The following RABGAP1L variants were observed in gnomAD, a reference collection of about 807,000 sequenced individuals.
The protein encoded by RABGAP1L is rab GTPase-activating protein 1-like.
A neutral mutation model predicts 137.7 loss-of-function variants in RABGAP1L; 63 were observed. The observed-to-expected ratio is 0.46, with a 90% confidence interval of 0.37 to 0.56. The LOEUF (loss-of-function observed/expected upper bound fraction) is 0.56. Ranked by LOEUF, RABGAP1L falls within the 20% of genes least tolerant of loss-of-function variation. The probability of loss-of-function intolerance (pLI) is 0.00; values close to 1 mark genes in which losing one functional copy is unlikely to be tolerated. For synonymous variants in RABGAP1L, 431 were observed against 433.7 expected (o/e 0.99, Z 0.08); for missense variants, 1,095 against 1,244.0 (o/e 0.88, Z 1.80).
chr1:174,176,052 C>T (rs1373043735), intron 1 of RABGAP1L, among the ~76,000 whole-genome samples: 1 of 152,170 alleles, frequency 6.6e-6, no homozygotes, highest in Non-Finnish European at 1.5e-5. Flanking sequence ...TCATATTTGT[C>T]ACTGCATTCA....
intron 13 of RABGAP1L, among the ~76,000 whole-genome samples, chr1:174,609,874 A>G (rs1436885897): frequency 1.3e-5 from 2 of 152,020 alleles, no homozygotes; most frequent in South Asian, 2.1e-4. Context: ...GCAAACCCCA[A>G]ACAGTTTTTT....
At chr1:174,981,778 AT>A (rs1385218222) in intron 23 of RABGAP1L, among the ~76,000 whole-genome samples, 1 of 151,922 alleles carries the variant, frequency 6.6e-6, no homozygotes, top group Non-Finnish European at 1.5e-5. Flanking sequence ...GAAAGCACCT[AT>A]TTCTACCATT....
chr1:174,553,712 G>C (rs2147994491), intron 13 of RABGAP1L, among the ~76,000 whole-genome samples: 1 of 152,252 alleles, frequency 6.6e-6, no homozygotes, highest in African/African-American at 2.4e-5. Context: ...AAGAATCATA[G>C]AATTAGGGTC....
At position 174,278,691 on chromosome 1, in the gene RABGAP1L, C is replaced by T. The variant is rs772990648; in HGVS notation, c.1235C>T (p.Thr412Ile). 8 of 1,611,644 alleles carry T rather than the reference C, an allele frequency of 5.0e-6. No individual in the cohort carries two copies. Among genetic ancestry groups the T allele is most frequent in the South Asian group, 3.3e-5 (3 of 90,664 alleles). ...GAGCCTGTTCGCTTTCTCCTGGAGA[C>T]AGTAGTCCGTGTGTACCCTGCAAAT... is the stretch of plus-strand genomic sequence containing the variant. ...VVEPVRFLLETVVRVYPANER... is the reference protein window; with the variant it reads ...VVEPVRFLLEIVVRVYPANER... The change falls in exon 10 of 26, where the codon ACA becomes ATA. Residue 412 changes from threonine to isoleucine, a missense_variant. By Grantham distance (89) the Thr-to-Ile change is moderately conservative. Transcript: ENST00000681986.
intron 19 of RABGAP1L, chr1:174,892,282 A>T (rs759664870): frequency 3.9e-5 from 13 of 332,802 alleles, no homozygotes; most frequent in Admixed American, 2.2e-4. Flanking sequence ...CACACTTATC[A>T]AGTGGGTCCC....
chr1:174,303,526 C>T (rs919302789), intron 10 of RABGAP1L, among the ~76,000 whole-genome samples: 1 of 152,112 alleles, frequency 6.6e-6, no homozygotes, highest in East Asian at 1.9e-4. Context: ...ACTTAGCCAA[C>T]GCACATTTAT....
At chr1:174,208,264 G>T (rs956234783) in intron 1 of RABGAP1L, among the ~76,000 whole-genome samples, 19 of 147,626 alleles carry the variant, frequency 1.3e-4, no homozygotes, top group South Asian at 2.1e-4. Context: ...AGTTCTGAGG[G>T]TTTTTTTTTT....
intron 19 of RABGAP1L, among the ~76,000 whole-genome samples, chr1:174,929,124 T>G (rs551086952): frequency 6.6e-6 from 1 of 151,818 alleles, no homozygotes; most frequent in South Asian, 2.1e-4. Context: ...AAATGACGAG[T>G]TAATGGGTGC....
At chr1:174,382,801 T>A (rs1398352794) in intron 12 of RABGAP1L, among the ~76,000 whole-genome samples, 4 of 151,584 alleles carry the variant, frequency 2.6e-5, no homozygotes, top group South Asian at 2.1e-4. Flanking sequence ...GTCAAAGTCA[T>A]TCTCCATCCA....
At chr1:174,906,857 A>G (rs1176186027) in intron 19 of RABGAP1L, among the ~76,000 whole-genome samples, 2 of 151,548 alleles carry the variant, frequency 1.3e-5, no homozygotes, top group Non-Finnish European at 2.9e-5. Flanking sequence ...GGAAAACCAT[A>G]TAGGCCATGA....
At chr1:174,798,761 T>C (rs1326818557) in intron 18 of RABGAP1L, among the ~76,000 whole-genome samples, 1 of 152,216 alleles carries the variant, frequency 6.6e-6, no homozygotes, top group African/African-American at 2.4e-5. Context: ...TGTTTCTCTT[T>C]GTACCATGCT....
intron 4 of RABGAP1L, among the ~76,000 whole-genome samples, chr1:174,240,971 A>G (rs977528391): frequency 2.6e-5 from 4 of 152,042 alleles, no homozygotes; most frequent in Non-Finnish European, 5.9e-5. Flanking sequence ...GTGAATATGA[A>G]GACAAGTTGT....
intron 13 of RABGAP1L, among the ~76,000 whole-genome samples, chr1:174,488,410 C>T (rs1659882381): frequency 6.6e-6 from 1 of 152,004 alleles, no homozygotes; most frequent in African/African-American, 2.4e-5. Context: ...CTTAGAGCTC[C>T]ATTGTATGTT....
At chr1:174,655,786 A>G (rs909212629) in intron 14 of RABGAP1L, among the ~76,000 whole-genome samples, 3 of 152,104 alleles carry the variant, frequency 2.0e-5, no homozygotes, top group South Asian at 2.1e-4. Context: ...TTGGTGTTCA[A>G]ATTGTCCCCA....
At chr1:174,354,839 A>G (rs576433310) in intron 11 of RABGAP1L, among the ~76,000 whole-genome samples, 5 of 152,318 alleles carry the variant, frequency 3.3e-5, no homozygotes, top group African/African-American at 1.2e-4. Flanking sequence ...AATTTTGTAT[A>G]AGGTGTAAGG....
At chr1:174,337,044 A>G (rs1281269337) in intron 11 of RABGAP1L, among the ~76,000 whole-genome samples, 1 of 151,894 alleles carries the variant, frequency 6.6e-6, no homozygotes, top group African/African-American at 2.4e-5. Context: ...GAGAGAGTGT[A>G]TTTGTATTTG....
chr1:174,195,730 CT>C (rs796663073), intron 1 of RABGAP1L, among the ~76,000 whole-genome samples: 21,040 of 108,512 alleles, frequency 0.19, 2,226 homozygotes, highest in Middle Eastern at 0.24. Flanking sequence ...TCTTTTCTTT[CT>C]TTTCTTTCTT....
chr1:174,224,406 G>A (rs1670005571), intron 3 of RABGAP1L, among the ~76,000 whole-genome samples: 2 of 152,124 alleles, frequency 1.3e-5, no homozygotes, highest in South Asian at 4.1e-4. Flanking sequence ...GGAGGCGGAG[G>A]TTGCAGTGAG....
rs150312628 is a variant in RABGAP1L, at chr1:174,404,764, A to G, written c.1710+10619A>G. 1.5e-3 allele frequency among the ~76,000 whole-genome samples: 221 copies of G among 152,338 alleles called. 1 individual carries two copies. The highest frequency in any genetic ancestry group is 4.4e-3 in the South Asian group (21 of 4,822). On this transcript the variant is annotated intron_variant, in intron 13 of 25. Transcript: ENST00000681986. ...ACTTGCAAAGAGGCAGCACTGTTTT[A>G]TAAACTCCAGAGAGCATTTGTTTAA...
Sources: gnomAD v4.1 joint callset for allele counts (sites outside exome capture counted in the v4.1 genomes callset) on GRCh38, gnomAD v4.1.1 for gene constraint, MANE v1.5 for transcripts, NCBI Gene and HGNC (gene_info 2026-07-23, HGNC 2026-07-21) for gene names.